LMF1: variants seen among roughly 807,000 people sequenced by gnomAD.
The protein encoded by LMF1 is lipase maturation factor 1, also known as transmembrane protein 112.
LMF1 carries 68 observed loss-of-function variants against 60.6 expected under a neutral mutation model. That is an observed-to-expected ratio of 1.12 (90% CI 0.92 to 1.37). LMF1 has a LOEUF of 1.37. Among genes scored for constraint, LMF1 ranks in the 40% most tolerant of loss-of-function variants. The pLI, the probability that LMF1 is intolerant of heterozygous loss-of-function variation, is 0.00. For synonymous variants in LMF1, 418 were observed against 324.7 expected, an observed-to-expected ratio of 1.29 and a Z score of -3.09; for missense variants, 948 against 767.2, an observed-to-expected ratio of 1.24 and a Z score of -2.78.
At chr16:856,465 C>G (rs530593802) in intron 10 of LMF1, among the ~76,000 whole-genome samples, 3 of 152,302 alleles carry the variant, frequency 2.0e-5, no homozygotes, top group African/African-American at 7.2e-5. Context: ...CCAGGCAGGC[C>G]CACCCTCTCC....
chr16:894,821 T>C (rs1269514138), intron 4 of LMF1, among the ~76,000 whole-genome samples: 2 of 152,140 alleles, frequency 1.3e-5, no homozygotes, highest in African/African-American at 4.8e-5. Context: ...CGTGCTGGGG[T>C]GTCGGGCCTG....
intron 1 of LMF1, among the ~76,000 whole-genome samples, chr16:965,353 G>C (rs2072903627): frequency 6.6e-6 from 1 of 152,194 alleles, no homozygotes; most frequent in Non-Finnish European, 1.5e-5. Flanking sequence ...GGGCAGATTG[G>C]GGAGAGGCCA....
At chr16:927,871 A>T (rs929703589) in intron 3 of LMF1, among the ~76,000 whole-genome samples, 5 of 152,194 alleles carry the variant, frequency 3.3e-5, no homozygotes, top group Admixed American at 6.5e-5. Flanking sequence ...CCGCAATGGA[A>T]AACACCCTAG....
In LMF1 at chr16:870,201, C is replaced by T. The variant is rs2069741449; in HGVS notation, c.1233-135G>A. ...CTACAGCCTCCACCTGCCTCCTGGT[C>T]AGGGGCTACTGAGAGGCTGGGTGGG... On this transcript the variant is annotated intron_variant, in intron 8 of 10. Coordinates refer to ENST00000262301, the MANE Select transcript of LMF1 (RefSeq NM_022773.4). 7 of 1,019,254 alleles carry T rather than the reference C, an allele frequency of 6.9e-6. No homozygotes were observed. The South Asian group carries it at 1.1e-4, about 16-fold the overall frequency. The allele number at this position is 1,019,254 out of a possible 1,614,324, so 63.1% of individuals were successfully genotyped here.
upstream of LMF1, among the ~76,000 whole-genome samples, chr16:973,817 G>A (rs532170587): frequency 2.0e-5 from 3 of 152,190 alleles, no homozygotes; most frequent in South Asian, 2.1e-4. Context: ...TGGCTAACAC[G>A]GTGAAACCCC....
chr16:873,919 G>C (rs1023995670), intron 6 of LMF1: 1 of 152,376 alleles, frequency 6.6e-6, no homozygotes, highest in African/African-American at 2.4e-5. Context: ...GACAGACCCA[G>C]GGTCATGGTG....
intron 1 of LMF1, among the ~76,000 whole-genome samples, chr16:963,013 G>A (rs2072844923): frequency 6.6e-6 from 1 of 151,972 alleles, no homozygotes; most frequent in African/African-American, 2.4e-5. Context: ...GGTGGGTGGG[G>A]GCAGCTCCAA....
At chr16:973,113 C>G (rs2073080148), upstream of LMF1, among the ~76,000 whole-genome samples, 1 of 152,140 alleles carries the variant, frequency 6.6e-6, no homozygotes, top group African/African-American at 2.4e-5. Context: ...GAGGCCGAGG[C>G]AGGTGGATCA....
chr16:963,273 T>TA (rs1386396503), intron 1 of LMF1, among the ~76,000 whole-genome samples: 2 of 151,994 alleles, frequency 1.3e-5, no homozygotes, highest in African/African-American at 2.4e-5. Flanking sequence ...CCTAGCAACA[T>TA]AGAGGACACC....
At chr16:858,762 A>T (rs372924920) in intron 10 of LMF1, among the ~76,000 whole-genome samples, 200 of 31,586 alleles carry the variant, frequency 6.3e-3, no homozygotes, top group Admixed American at 0.011. Flanking sequence ...GACTGGTGTC[A>T]CGGGACGGGT....
intron 1 of LMF1, among the ~76,000 whole-genome samples, chr16:965,434 A>G (rs897740975): frequency 1.3e-5 from 2 of 152,042 alleles, no homozygotes; most frequent in African/African-American, 4.8e-5. Flanking sequence ...ACAAGAGAGC[A>G]AAAAAAAGAG....
intron 5 of LMF1, among the ~76,000 whole-genome samples, chr16:889,512 C>T (rs991767063): frequency 6.6e-6 from 1 of 152,170 alleles, no homozygotes; most frequent in African/African-American, 2.4e-5. Context: ...GGGTGCATGG[C>T]TGCCTCTTGC....
intron 1 of LMF1, among the ~76,000 whole-genome samples, chr16:978,671 G>A (rs1464496796): frequency 6.6e-6 from 1 of 152,188 alleles, no homozygotes; most frequent in African/African-American, 2.4e-5. Context: ...CCACTAGCAG[G>A]TGGTGAGGTC....
At chr16:931,321 G>A (rs1355366876) in intron 3 of LMF1, among the ~76,000 whole-genome samples, 1 of 152,268 alleles carries the variant, frequency 6.6e-6, no homozygotes, top group African/African-American at 2.4e-5. Context: ...CCGGCTGGCT[G>A]CTGCCTCGGG....
chr16:974,980 G>C (rs1333520853), upstream of LMF1, among the ~76,000 whole-genome samples: 2 of 152,216 alleles, frequency 1.3e-5, no homozygotes, highest in Admixed American at 6.5e-5. Flanking sequence ...AGGGTGGTCA[G>C]TTTGGGCAGA....
intron 7 of LMF1, 74 bp from the exon 8 acceptor site, chr16:870,956 G>A: frequency 6.6e-7 from 1 of 1,508,414 alleles, no homozygotes; most frequent in Non-Finnish European, 8.9e-7. Context: ...GACCCCAGCT[G>A]CTGCTCCCTA....
At chr16:977,923 C>CACG (rs1298820106) in intron 1 of LMF1, among the ~76,000 whole-genome samples, 2 of 129,014 alleles carry the variant, frequency 1.6e-5, no homozygotes, top group Non-Finnish European at 3.2e-5. Context: ...CACACACATA[C>CACG]CACACACATA....
intron 1 of LMF1, among the ~76,000 whole-genome samples, chr16:963,308 G>A (rs2072852376): frequency 6.6e-6 from 1 of 152,104 alleles, no homozygotes; most frequent in Admixed American, 6.5e-5. Flanking sequence ...CAGCCCCGGC[G>A]GCCACACGTG....
At chr16:854,848 C>A (rs2069144820) in intron 10 of LMF1, 142 bp from the exon 11 acceptor site, 3 of 765,608 alleles carry the variant, frequency 3.9e-6, no homozygotes, top group Non-Finnish European at 6.6e-6. Context: ...ACCCTGAGCA[C>A]AGGTAGACCC....
Sources: gnomAD v4.1 joint callset for allele counts (sites outside exome capture counted in the v4.1 genomes callset) on GRCh38, gnomAD v4.1.1 for gene constraint, MANE v1.5 for transcripts, NCBI Gene and HGNC (gene_info 2026-07-23, HGNC 2026-07-21) for gene names.